The following DNAH12 variants were observed in gnomAD, a reference collection of about 807,000 sequenced individuals.
DNAH12 encodes dynein axonemal heavy chain 12, also known as axonemal beta dynein heavy chain 12.
Under a neutral mutation model 371.5 loss-of-function variants are expected in DNAH12, and 285 were observed. The observed-to-expected ratio is 0.77, with a 90% CI of 0.70 to 0.85. The LOEUF is 0.85. Among genes scored for constraint, DNAH12 ranks in the 40% least tolerant of loss-of-function variants. The pLI, the probability that DNAH12 is intolerant of heterozygous loss-of-function variation, is 0.00. For synonymous variants in DNAH12, 1,200 were observed against 1,213.0 expected, an observed-to-expected ratio of 0.99 and a Z score of 0.22; for missense variants, 3,611 against 3,689.4, an observed-to-expected ratio of 0.98 and a Z score of 0.55.
chr3:57,542,634 G>T, intron 2 of DNAH12, 67 bp downstream of exon 2: 2 of 1,473,874 alleles, frequency 1.4e-6, no homozygotes, highest in Non-Finnish European at 1.8e-6. Context: ...AACTTTTTAG[G>T]AGAATATGAA....
In DNAH12 at chr3:57,323,000, A is replaced by T; in HGVS notation, c.10383+7T>A. The T allele has an allele frequency of 6.4e-7, 1 of 1,551,488 alleles. No homozygotes were observed. Among genetic ancestry groups the T allele is most frequent in the Non-Finnish European group, 8.7e-7 (1 of 1,146,908 alleles). On this transcript the variant is annotated splice_region_variant and intron_variant, in intron 64 of 73. Coordinates refer to ENST00000495027, the MANE Select transcript of DNAH12 (RefSeq NM_001366028.2). ...ATGTACTTAACTCTATAAGGAAATA[A>T]ACATACTTTTGAAGATGGATAGCTT...
At chr3:57,504,626 G>C (rs2153391812) in intron 8 of DNAH12, among the ~76,000 whole-genome samples, 1 of 152,106 alleles carries the variant, frequency 6.6e-6, no homozygotes, top group East Asian at 1.9e-4. Flanking sequence ...GTACATAATA[G>C]GTGTATATAA....
At chr3:57,456,595 T>G (rs17799356) in intron 22 of DNAH12, among the ~76,000 whole-genome samples, 3,610 of 152,284 alleles carry the variant, frequency 0.024, 65 homozygotes, top group Non-Finnish European at 0.034. Context: ...GTTGTTTAAG[T>G]GTAAAAAGCA....
intron 29 of DNAH12, among the ~76,000 whole-genome samples, chr3:57,439,643 C>G (rs1303147610): frequency 6.6e-6 from 1 of 152,110 alleles, no homozygotes; most frequent in African/African-American, 2.4e-5. Flanking sequence ...GAATTTATGA[C>G]TAAGTCCTCA....
At chr3:57,416,216 T>C (rs1204803415) in intron 37 of DNAH12, among the ~76,000 whole-genome samples, 1 of 152,122 alleles carries the variant, frequency 6.6e-6, no homozygotes, top group Non-Finnish European at 1.5e-5. Context: ...CCCAAGTAGC[T>C]AGGACTACAG....
chr3:57,468,107 A>T (rs1386234607), intron 17 of DNAH12, among the ~76,000 whole-genome samples: 2 of 152,148 alleles, frequency 1.3e-5, no homozygotes, highest in Non-Finnish European at 2.9e-5. Context: ...GAGCTTGACC[A>T]AGAGGCTGAG....
intron 60 of DNAH12, among the ~76,000 whole-genome samples, chr3:57,347,682 C>T (rs2062574040): frequency 6.7e-6 from 1 of 148,930 alleles, no homozygotes; most frequent in African/African-American, 2.5e-5. Flanking sequence ...GATAGAGCCA[C>T]TGCCACTCCA....
At chr3:57,388,977 A>T (rs1381580366) in intron 45 of DNAH12, among the ~76,000 whole-genome samples, 1 of 152,148 alleles carries the variant, frequency 6.6e-6, no homozygotes, top group East Asian at 1.9e-4. Context: ...TGGGTGCAGC[A>T]CACCAACATG....
At chr3:57,545,745 A>G (rs1317758044), upstream of DNAH12, among the ~76,000 whole-genome samples, 5 of 152,126 alleles carry the variant, frequency 3.3e-5, no homozygotes, top group Non-Finnish European at 7.4e-5. Flanking sequence ...GAACTAGCAC[A>G]GGGTGTTGTG....
intron 51 of DNAH12, among the ~76,000 whole-genome samples, chr3:57,379,572 G>A (rs1046980416): frequency 5.3e-5 from 8 of 152,088 alleles, no homozygotes; most frequent in Non-Finnish European, 8.8e-5. Flanking sequence ...TGGGTGCAGT[G>A]GCTCACACCT....
intron 57 of DNAH12, among the ~76,000 whole-genome samples, chr3:57,364,624 T>A (rs1217318484): frequency 8.5e-5 from 13 of 152,198 alleles, no homozygotes; most frequent in Admixed American, 7.9e-4. Flanking sequence ...AAAAATGGGA[T>A]CTAATTAAAC....
chr3:57,528,650 C>T (rs1407206265), intron 2 of DNAH12, among the ~76,000 whole-genome samples: 3 of 149,124 alleles, frequency 2.0e-5, no homozygotes, highest in African/African-American at 4.9e-5. Flanking sequence ...CCCTTGAACC[C>T]GGGAGGCGGA....
At position 57,433,355 on chromosome 3, in the gene DNAH12, A is replaced by G. The variant is rs757610680; in HGVS notation, c.4980+12T>C. 43 of 1,545,520 alleles carry G rather than the reference A, an allele frequency of 2.8e-5. 1 individual carries two copies. In the South Asian group the frequency reaches 4.9e-4, roughly 17 times the overall value. ...CATGGCTGAATCTGCTTCTCTTTTG[A>G]TCATGATTTACCTTTTTATTATCAT... is the stretch of plus-strand genomic sequence containing the variant. On this transcript the variant is annotated intron_variant, in intron 32 of 73. Transcript: ENST00000495027.
chr3:57,507,979 G>T, intron 7 of DNAH12, 141 bp from the exon 8 acceptor site: 2 of 703,222 alleles, frequency 2.8e-6, no homozygotes, highest in South Asian at 4.3e-5. Context: ...ACGAGGTCAG[G>T]AGTTCAAGAC....
chr3:57,311,043 T>C (rs1347962705), intron 66 of DNAH12, 93 bp from the exon 67 acceptor site: 1 of 903,634 alleles, frequency 1.1e-6, no homozygotes, highest in African/African-American at 1.7e-5. Flanking sequence ...GAAAGGGGGT[T>C]GAAAGAATTA....
At chr3:57,362,685 A>G (rs1027792260) in intron 58 of DNAH12, among the ~76,000 whole-genome samples, 8 of 152,100 alleles carry the variant, frequency 5.3e-5, no homozygotes, top group African/African-American at 1.7e-4. Context: ...GTGTCTGTTC[A>G]TATCCTTTGC....
At chr3:57,315,650 G>C (rs1476324072) in intron 65 of DNAH12, among the ~76,000 whole-genome samples, 1 of 151,982 alleles carries the variant, frequency 6.6e-6, no homozygotes, top group East Asian at 1.9e-4. Context: ...GGGTGAAGGT[G>C]GGTGTATGGG....
At chr3:57,516,808 C>A (rs1195758568) in intron 4 of DNAH12, among the ~76,000 whole-genome samples, 5 of 151,954 alleles carry the variant, frequency 3.3e-5, no homozygotes, top group African/African-American at 1.2e-4. Context: ...GACTTTTTAT[C>A]ATTAAAAGTA....
intron 2 of DNAH12, among the ~76,000 whole-genome samples, 164 bp downstream of exon 2, chr3:57,542,537 T>C (rs1469468593): frequency 1.3e-5 from 2 of 152,222 alleles, no homozygotes; most frequent in Non-Finnish European, 2.9e-5. Context: ...CAGTGTATAA[T>C]ATTTGCTACC....
Sources: allele counts gnomAD v4.1 joint callset (sites outside exome capture counted in the v4.1 genomes callset), GRCh38; gene constraint gnomAD v4.1.1; transcripts MANE v1.5; gene names NCBI Gene and HGNC (gene_info 2026-07-23, HGNC 2026-07-21).